The following ELOVL4 variants were observed in gnomAD, a reference collection of about 807,000 sequenced individuals.
The protein encoded by ELOVL4 is ELOVL fatty acid elongase 4.
A neutral mutation model predicts 42.1 loss-of-function variants in ELOVL4; 18 were observed. That is an observed-to-expected ratio of 0.43 (90% CI 0.30 to 0.63). The LOEUF (loss-of-function observed/expected upper bound fraction) is 0.63, where lower values mean the gene tolerates loss of function less well. ELOVL4 is among the 30% of genes least tolerant of loss of function. The pLI is 0.15. For synonymous variants in ELOVL4, 117 were observed against 127.0 expected (o/e 0.92, Z 0.53); for missense variants, 299 against 376.2 (o/e 0.79, Z 1.70).
At chr6:79,932,997 G>T (rs1303228557) in intron 1 of ELOVL4, among the ~76,000 whole-genome samples, 1 of 152,168 alleles carries the variant, frequency 6.6e-6, no homozygotes, top group East Asian at 1.9e-4. Context: ...ACAATGACAA[G>T]ATATAAGCAA....
At chr6:79,928,895 T>C (rs1019616798) in intron 1 of ELOVL4, among the ~76,000 whole-genome samples, 33 of 151,826 alleles carry the variant, frequency 2.2e-4, no homozygotes, top group African/African-American at 6.3e-4. Flanking sequence ...TATAAGTAAA[T>C]AAAAATGTTC....
In ELOVL4 at chr6:79,916,376, C is replaced by G; in HGVS notation, c.*232G>C. The G allele has an allele frequency of 1.9e-6, 1 of 526,252 alleles. No homozygotes were observed. Among genetic ancestry groups the G allele is most frequent in the South Asian group, 2.2e-5 (1 of 45,992 alleles). 32.6% of individuals were successfully genotyped at this position (526,252 alleles called of 1,614,324 possible). A position where few individuals can be genotyped will look rare whatever the true frequency, so the allele number is the denominator to read the frequency against. On this transcript the variant is annotated 3_prime_UTR_variant, in exon 6 of 6. Coordinates refer to ENST00000369816, the MANE Select transcript of ELOVL4 (RefSeq NM_022726.4). ...AAAGTCACTTAATGATTGCTTTGGT[C>G]TGGAGAATATCAAGGCTAATTTTTA...
intron 1 of ELOVL4, among the ~76,000 whole-genome samples, chr6:79,938,050 G>T (rs1190712567): frequency 6.6e-6 from 1 of 152,146 alleles, no homozygotes; most frequent in Non-Finnish European, 1.5e-5. Flanking sequence ...CCAAATTCAT[G>T]ACTTCAGAAA....
At chr6:79,921,550 C>G in intron 4 of ELOVL4, 75 bp downstream of exon 4, 1 of 1,253,608 alleles carries the variant, frequency 8.0e-7, no homozygotes, top group Non-Finnish European at 1.2e-6. Flanking sequence ...AAGTCAAAGT[C>G]CTAGGTTCTC....
chr6:79,934,206 G>T (rs1220587722), intron 1 of ELOVL4, among the ~76,000 whole-genome samples: 1 of 152,174 alleles, frequency 6.6e-6, no homozygotes, highest in Non-Finnish European at 1.5e-5. Flanking sequence ...AGCATGTACA[G>T]TGAGAGAATA....
rs758993584 is a variant in ELOVL4 at position 79,914,978 on chromosome 6, A to G, written c.*1630T>C. The G allele has an allele frequency of 2.0e-5, 3 of 152,602 alleles. No homozygotes were observed. Among genetic ancestry groups the G allele is most frequent in the Non-Finnish European group, 4.4e-5 (3 of 68,000 alleles). The allele number at this position is 152,602 out of a possible 1,614,324, so 9.5% of individuals were successfully genotyped here. A position where few individuals can be genotyped will look rare whatever the true frequency, so the allele number is the denominator to read the frequency against. On this transcript the variant is annotated 3_prime_UTR_variant, in exon 6 of 6. Coordinates refer to ENST00000369816, the MANE Select transcript of ELOVL4 (RefSeq NM_022726.4). ...GAATCCTCTTAGATCAAACTACTTTATATGTTGCAAATTTTCTGTAATTCT... is the reference window on the plus strand; with the variant it reads ...GAATCCTCTTAGATCAAACTACTTTGTATGTTGCAAATTTTCTGTAATTCT...
At chr6:79,947,005 G>C (rs752677817) in intron 1 of ELOVL4, among the ~76,000 whole-genome samples, 175 bp downstream of exon 1, 5 of 152,172 alleles carry the variant, frequency 3.3e-5, no homozygotes, top group East Asian at 1.9e-4. Context: ...TTAACATTCG[G>C]ATCAGATTAA....
Position 79,916,141 on chromosome 6 carries a change from T to C in ELOVL4, c.*467A>G, listed in dbSNP as rs1375214176. On this transcript the variant is annotated 3_prime_UTR_variant, in exon 6 of 6. Transcript: ENST00000369816. The stretch of plus-strand genomic sequence containing the variant: ...CAGCAAATGAATTCAAATGTGCAAG[T>C]TTAAGTGTATACACATTTTCAGCTT... The C allele has an allele frequency of 5.8e-6, 1 of 171,662 alleles. No individual in the cohort carries two copies. The allele number at this position is 171,662 out of a possible 1,614,324, so 10.6% of individuals were successfully genotyped here. A position where few individuals can be genotyped will look rare whatever the true frequency, so the allele number is the denominator to read the frequency against.
At chr6:79,937,120 AAG>A (rs1422362546) in intron 1 of ELOVL4, among the ~76,000 whole-genome samples, 1 of 152,270 alleles carries the variant, frequency 6.6e-6, no homozygotes, top group African/African-American at 2.4e-5. Flanking sequence ...TCACCAGTGA[AAG>A]AGGGGAAAGC....
Position 79,926,193 on chromosome 6 carries a change from C to A in ELOVL4, c.288+1G>T. 6.2e-7 allele frequency: 1 copy of A among 1,611,192 alleles called. No individual in the cohort carries two copies. The highest frequency in any genetic ancestry group is 1.1e-5 in the South Asian group (1 of 91,004). ...TTATTAAAGTGATCTTAAAAACATA[C>A]CTCTCTGAAGATAAAGAGGTTAAGC... On this transcript the variant is annotated splice_donor_variant, in intron 2 of 5. Transcript: ENST00000369816. LOFTEE classifies it high-confidence loss of function.
At chr6:79,922,002 A>T (rs1004121401) in intron 3 of ELOVL4, among the ~76,000 whole-genome samples, 3 of 152,240 alleles carry the variant, frequency 2.0e-5, no homozygotes, top group Non-Finnish European at 4.4e-5. Context: ...CTCTATCTAT[A>T]CAGTGCCAAT....
intron 1 of ELOVL4, among the ~76,000 whole-genome samples, chr6:79,937,587 ATAT>A (rs1774566335): frequency 6.6e-6 from 1 of 152,140 alleles, no homozygotes; most frequent in Non-Finnish European, 1.5e-5. Context: ...GTGATAATAC[ATAT>A]AAAACACTGG....
chr6:79,925,347 T>G (rs933949591), intron 2 of ELOVL4, among the ~76,000 whole-genome samples: 1 of 152,176 alleles, frequency 6.6e-6, no homozygotes, highest in Non-Finnish European at 1.5e-5. Context: ...CTACCTTAAC[T>G]GGTTTCTATG....
intron 1 of ELOVL4, among the ~76,000 whole-genome samples, chr6:79,931,431 C>G (rs933934463): frequency 6.6e-6 from 1 of 152,258 alleles, no homozygotes; most frequent in Admixed American, 6.5e-5. Flanking sequence ...AGGCACTACT[C>G]AATCACCATG....
intron 1 of ELOVL4, among the ~76,000 whole-genome samples, chr6:79,942,209 A>G (rs1427813809): frequency 6.6e-6 from 1 of 152,194 alleles, no homozygotes; most frequent in African/African-American, 2.4e-5. Context: ...TGGGCAGGGG[A>G]ATACTGAAGG....
intron 5 of ELOVL4, among the ~76,000 whole-genome samples, chr6:79,918,850 T>C (rs1774202404): frequency 6.6e-6 from 1 of 152,226 alleles, no homozygotes; most frequent in South Asian, 2.1e-4. Context: ...TGAAAATATC[T>C]GTCTCTGCTC....
rs543317096 is a variant in ELOVL4, at chr6:79,916,563, G to A, written c.*45C>T. ...TTTTCCCTGAAATTTTATATGATAT[G>A]GGAGTTTTTCCTCACTGTCAACAAC... On this transcript the variant is annotated 3_prime_UTR_variant, in exon 6 of 6. Coordinates refer to ENST00000369816, the MANE Select transcript of ELOVL4 (RefSeq NM_022726.4). 1 of 1,609,020 alleles carries A rather than the reference G, an allele frequency of 6.2e-7. No homozygotes were observed. The highest frequency in any genetic ancestry group is 1.3e-5 in the African/African-American group (1 of 74,920).
Position 79,947,516 on chromosome 6 carries a change from A to C in ELOVL4, c.-237T>G. The C allele has an allele frequency of 1.8e-6, 1 of 549,116 alleles. No individual in the cohort carries two copies. The highest frequency in any genetic ancestry group is 2.0e-5 in the South Asian group (1 of 50,794). The allele number at this position is 549,116 out of a possible 1,614,324, so 34.0% of individuals were successfully genotyped here. ...CGGGAGAAAGACGAGGAGGTGGAGG[A>C]GGCCCAGCCGCCAGCACAGTGCGCT... On this transcript the variant is annotated 5_prime_UTR_variant, in exon 1 of 6. Coordinates refer to ENST00000369816, the MANE Select transcript of ELOVL4 (RefSeq NM_022726.4).
At chr6:79,922,790 T>C (rs1774280543) in intron 3 of ELOVL4, among the ~76,000 whole-genome samples, 1 of 152,108 alleles carries the variant, frequency 6.6e-6, no homozygotes, top group African/African-American at 2.4e-5. Context: ...GTTTTGGCTT[T>C]TGCATTTGAA....
Sources: allele counts gnomAD v4.1 joint callset (sites outside exome capture counted in the v4.1 genomes callset), GRCh38; gene constraint gnomAD v4.1.1; transcripts MANE v1.5; gene names NCBI Gene and HGNC (gene_info 2026-07-23, HGNC 2026-07-21).